The following ZMAT5 variants were observed in gnomAD, a reference collection of about 807,000 sequenced individuals.
ZMAT5 encodes zinc finger matrin-type protein 5.
ZMAT5 carries 23 observed loss-of-function variants against 28.0 expected under a neutral mutation model. The observed-to-expected ratio is 0.82, with a 90% CI of 0.59 to 1.16. The LOEUF (loss-of-function observed/expected upper bound fraction) is 1.16. Among genes scored for constraint, ZMAT5 ranks in the 50% most tolerant of loss-of-function variants. The pLI is 0.00. For synonymous variants in ZMAT5, 76 were observed against 84.1 expected (o/e 0.90, Z 0.52); for missense variants, 173 against 212.7 (o/e 0.81, Z 1.16).
At chr22:29,759,786 G>A (rs956846675) in intron 1 of ZMAT5, among the ~76,000 whole-genome samples, 1 of 151,492 alleles carries the variant, frequency 6.6e-6, no homozygotes, top group South Asian at 2.1e-4. Flanking sequence ...ATAAAAGGGG[G>A]CCGGGCATGG....
At chr22:29,763,220 G>A (rs1186502058) in intron 1 of ZMAT5, among the ~76,000 whole-genome samples, 1 of 151,792 alleles carries the variant, frequency 6.6e-6, no homozygotes, top group Non-Finnish European at 1.5e-5. Flanking sequence ...TTGAACCCAG[G>A]AGGCAGAGGT....
intron 5 of ZMAT5, among the ~76,000 whole-genome samples, chr22:29,732,638 G>A (rs1418124406): frequency 6.6e-6 from 1 of 151,876 alleles, no homozygotes; most frequent in African/African-American, 2.4e-5. Flanking sequence ...TACTTGGGAG[G>A]CTGAGGCAGG....
intron 1 of ZMAT5, among the ~76,000 whole-genome samples, chr22:29,757,465 G>A (rs1453552848): frequency 6.6e-6 from 1 of 152,188 alleles, no homozygotes; most frequent in Non-Finnish European, 1.5e-5. Context: ...TCATCTGGAA[G>A]ACGAGGGTAA....
chr22:29,750,278 C>T (rs972386907), intron 1 of ZMAT5, among the ~76,000 whole-genome samples: 5 of 152,196 alleles, frequency 3.3e-5, no homozygotes, highest in Non-Finnish European at 7.3e-5. Flanking sequence ...AGTCCCCTAA[C>T]GTTACATTGC....
intron 1 of ZMAT5, among the ~76,000 whole-genome samples, chr22:29,762,726 T>C (rs2068169544): frequency 6.6e-6 from 1 of 152,196 alleles, no homozygotes; most frequent in Non-Finnish European, 1.5e-5. Context: ...TACAATGTAA[T>C]AACAGAAATA....
At chr22:29,750,645 G>A (rs891078197) in intron 1 of ZMAT5, among the ~76,000 whole-genome samples, 5 of 152,210 alleles carry the variant, frequency 3.3e-5, no homozygotes, top group Admixed American at 2.0e-4. Flanking sequence ...TCACCCTGTG[G>A]TCAGACCCCT....
At position 29,738,440 on chromosome 22, in the gene ZMAT5, C is replaced by T. The variant is rs1342301522; in HGVS notation, c.273G>A (p.Glu91=). 1.2e-6 allele frequency: 2 copies of T among 1,609,864 alleles called. No individual in the cohort carries two copies. The highest frequency in any genetic ancestry group is 8.5e-7 in the Non-Finnish European group (1 of 1,179,778). Residue 91 remains glutamate (E), a splice_region_variant and synonymous_variant, in exon 5 of 6, where the codon GAG becomes GAA. Coordinates refer to ENST00000344318, the MANE Select transcript of ZMAT5 (RefSeq NM_001003692.2). ...GTAGCCACTCCCTGGCTCGCCTCTC[C>T]TCTGTGGGGACAGGGAGACAAAGGC... ...DLQELSIQVE[E]ERRAREWLLD... is the part of the protein sequence containing the mutation.
chr22:29,751,997 A>C (rs2068059458), intron 1 of ZMAT5, among the ~76,000 whole-genome samples: 1 of 152,122 alleles, frequency 6.6e-6, no homozygotes, highest in Non-Finnish European at 1.5e-5. Context: ...AACAAATCAT[A>C]ATAATGACAA....
intron 4 of ZMAT5, among the ~76,000 whole-genome samples, chr22:29,739,730 C>A (rs904848349): frequency 6.6e-5 from 10 of 152,250 alleles, no homozygotes; most frequent in African/African-American, 2.4e-4. Flanking sequence ...CTGCAGCTGC[C>A]GCTGCTGCCA....
chr22:29,731,561 T>G lies in ZMAT5; in HGVS notation c.384-207A>C, dbSNP rs572692608. 67 of 562,048 alleles carry G rather than the reference T, an allele frequency of 1.2e-4. 1 individual carries two copies. In the East Asian group the frequency reaches 2.0e-3, roughly 17 times the overall value. 34.8% of individuals were successfully genotyped at this position (562,048 alleles called of 1,614,324 possible). A position where few individuals can be genotyped will look rare whatever the true frequency, so the allele number is the denominator to read the frequency against. On this transcript the variant is annotated intron_variant, in intron 5 of 5. Coordinates refer to ENST00000344318, the MANE Select transcript of ZMAT5 (RefSeq NM_001003692.2). ...ACTGAGCCCAAGGAAATAGCGGGGTTGCAGGCAGACATTGAGCTGCGAGAC... is the reference window on the plus strand; with the variant it reads ...ACTGAGCCCAAGGAAATAGCGGGGTGGCAGGCAGACATTGAGCTGCGAGAC...
At chr22:29,732,795 G>A (rs1056036099) in intron 5 of ZMAT5, among the ~76,000 whole-genome samples, 16 of 150,864 alleles carry the variant, frequency 1.1e-4, no homozygotes. Context: ...ACAGCAGAGA[G>A]TGCCATGCAG....
intron 3 of ZMAT5, among the ~76,000 whole-genome samples, chr22:29,740,979 C>A (rs1032154142): frequency 6.6e-6 from 1 of 152,216 alleles, no homozygotes; most frequent in African/African-American, 2.4e-5. Context: ...GGATCACTTC[C>A]AACTGAAGCC....
intron 5 of ZMAT5, among the ~76,000 whole-genome samples, chr22:29,736,450 T>C (rs1035796871): frequency 1.2e-4 from 18 of 152,208 alleles, no homozygotes; most frequent in African/African-American, 4.1e-4. Flanking sequence ...CTGGGTGCGG[T>C]GGCTCATGCC....
rs930658766 is a variant in ZMAT5, at chr22:29,762,924, A to C, written c.-28+3948T>G. On this transcript the variant is annotated intron_variant, in intron 1 of 5. Transcript: ENST00000344318. ...ATGAGAATTTAAAAGATAAAATATA[A>C]AACCAAAATCCAGTACTTTGAGAGG... 1.1e-4 allele frequency among the ~76,000 whole-genome samples: 16 copies of C among 152,260 alleles called. No homozygotes were observed. The East Asian group carries it at 2.5e-3, about 24-fold the overall frequency.
intron 1 of ZMAT5, among the ~76,000 whole-genome samples, chr22:29,751,848 T>A (rs1216030876): frequency 6.6e-6 from 1 of 152,038 alleles, no homozygotes; most frequent in Non-Finnish European, 1.5e-5. Flanking sequence ...ATGCCTGTAT[T>A]CCCAGCTACT....
chr22:29,753,870 G>A (rs2068076400), intron 1 of ZMAT5, among the ~76,000 whole-genome samples: 1 of 152,062 alleles, frequency 6.6e-6, no homozygotes, highest in Non-Finnish European at 1.5e-5. Context: ...ACCTCGCTCA[G>A]ATGTAAAATT....
chr22:29,766,408 ACTAT>A (rs1247158969), intron 1 of ZMAT5, among the ~76,000 whole-genome samples: 8 of 152,094 alleles, frequency 5.3e-5, no homozygotes, highest in African/African-American at 1.9e-4. Context: ...CAACCAAAGC[ACTAT>A]CTGTTTGCTG....
intron 1 of ZMAT5, among the ~76,000 whole-genome samples, chr22:29,756,411 T>C (rs979883642): frequency 6.6e-6 from 1 of 152,168 alleles, no homozygotes; most frequent in Non-Finnish European, 1.5e-5. Context: ...AGAGGCATCC[T>C]TGAGATCCTT....
intron 2 of ZMAT5, among the ~76,000 whole-genome samples, chr22:29,745,845 C>T (rs1019603169): frequency 6.6e-5 from 10 of 152,218 alleles, no homozygotes; most frequent in African/African-American, 2.4e-4. Context: ...CAAGTCCCTG[C>T]GGTTGCTCAG....
Sources: gnomAD v4.1 joint callset for allele counts (sites outside exome capture counted in the v4.1 genomes callset) on GRCh38, gnomAD v4.1.1 for gene constraint, MANE v1.5 for transcripts, NCBI Gene and HGNC (gene_info 2026-07-23, HGNC 2026-07-21) for gene names.